CD27: variants seen among roughly 807,000 people sequenced by gnomAD.
CD27 encodes the protein CD27 antigen.
In CD27, 16 loss-of-function variants were observed where a neutral mutation model predicts 25.9. The ratio of observed to expected loss-of-function variants is 0.62; its 90% CI spans 0.42 to 0.94. CD27 has a LOEUF of 0.94. Ranked by LOEUF, CD27 falls within the 40% of genes least tolerant of loss-of-function variation. The probability of loss-of-function intolerance (pLI) is 0.00; values close to 1 mark genes in which losing one functional copy is unlikely to be tolerated. For synonymous variants in CD27, 142 were observed against 124.3 expected (o/e 1.14, Z -0.95); for missense variants, 300 against 333.2 (o/e 0.90, Z 0.78).
intron 2 of CD27, among the ~76,000 whole-genome samples, chr12:6,446,801 A>AC (rs1555123062): frequency 1.9e-4 from 25 of 132,114 alleles, no homozygotes; most frequent in South Asian, 4.9e-4. Context: ...CACACACACA[A>AC]AAAGCCAGAG....
At position 6,445,012 on chromosome 12, in the gene CD27, A is replaced by T. The variant is rs2136960027; in HGVS notation, c.-84A>T. The stretch of plus-strand genomic sequence containing the variant: ...ACTGCCCAGGGGGTGCAAAGAAGAG[A>T]CAGCAGCGCCCAGCTTGGAGGTGCT... On this transcript the variant is annotated 5_prime_UTR_variant, in exon 1 of 6. Coordinates refer to ENST00000266557, the MANE Select transcript of CD27 (RefSeq NM_001242.5). This position sits in a 1 kb window ranked among gnomAD's most constrained non-coding sequence, Gnocchi z 4.5. 7.0e-7 allele frequency: 1 copy of T among 1,429,636 alleles called. No individual in the cohort carries two copies. Among genetic ancestry groups the T allele is most frequent in the Middle Eastern group, 2.5e-4 (1 of 3,942 alleles). 88.6% of individuals were successfully genotyped at this position (1,429,636 alleles called of 1,614,324 possible).
chr12:6,446,266 A>C (rs1250730806), intron 2 of CD27, among the ~76,000 whole-genome samples: 1 of 152,072 alleles, frequency 6.6e-6, no homozygotes, highest in East Asian at 1.9e-4. Flanking sequence ...TACTTGCAAA[A>C]CGTGTTTGGT....
chr12:6,445,650 G>A lies in CD27; in HGVS notation c.268+95G>A, dbSNP rs959590670. ...TTTGGGGGTGCAAGGAGGATGACGG[G>A]GCCAAAGCTTTGGCCTTCTTCAAGG... On this transcript the variant is annotated intron_variant, in intron 2 of 5. Coordinates refer to ENST00000266557, the MANE Select transcript of CD27 (RefSeq NM_001242.5). This position sits in a 1 kb window ranked among gnomAD's most constrained non-coding sequence, Gnocchi z 4.5. 7.5e-6 allele frequency: 11 copies of A among 1,470,884 alleles called. No individual in the cohort carries two copies. The highest frequency in any genetic ancestry group is 7.0e-5 in the African/African-American group (5 of 71,634). 91.1% of individuals were successfully genotyped at this position (1,470,884 alleles called of 1,614,324 possible). A position where few individuals can be genotyped will look rare whatever the true frequency, so the allele number is the denominator to read the frequency against.
In CD27 at chr12:6,451,448, C is replaced by A. The variant is rs1949546827; in HGVS notation, c.*56C>A. 6.4e-7 allele frequency: 1 copy of A among 1,574,090 alleles called. No homozygotes were observed. The highest frequency in any genetic ancestry group is 2.2e-5 in the East Asian group (1 of 44,662). ...CTGGCCTCCACCCCCACCCCGCCGA[C>A]CATCCAAGGGAGAGTGAGACCTGGC... On this transcript the variant is annotated 3_prime_UTR_variant, in exon 6 of 6. Transcript: ENST00000266557.
intron 5 of CD27, 47 bp downstream of exon 5, chr12:6,451,061 C>G: frequency 6.2e-7 from 1 of 1,612,372 alleles, no homozygotes. Flanking sequence ...GCACCACACC[C>G]CACTGGCTCA....
At chr12:6,446,682 G>C (rs1473430684) in intron 2 of CD27, among the ~76,000 whole-genome samples, 1 of 151,958 alleles carries the variant, frequency 6.6e-6, no homozygotes, top group Admixed American at 6.6e-5. Flanking sequence ...GGGAGGCTGA[G>C]ATGGGAAGAT....
At position 6,445,122 on chromosome 12, in the gene CD27, G is replaced by A; in HGVS notation, c.27G>A (p.Leu9=). The change falls in exon 1 of 6, where the codon CTG becomes CTA. Residue 9 remains leucine (L), a synonymous_variant. Transcript: ENST00000266557. This position sits in a 1 kb window ranked among gnomAD's most constrained non-coding sequence, Gnocchi z 4.5. ...TGGCACGGCCACATCCCTGGTGGCT[G>A]TGCGTTCTGGGGACCCTGGTGGGGC... MARPHPWW[L]CVLGTLVGLS... is the part of the protein sequence containing the mutation. 6.2e-7 allele frequency: 1 copy of A among 1,606,618 alleles called. No homozygotes were observed. The highest frequency in any genetic ancestry group is 8.5e-7 in the Non-Finnish European group (1 of 1,177,174).
Position 6,450,462 on chromosome 12 carries a change from C to A in CD27, c.449-79C>A. The stretch of plus-strand genomic sequence containing the variant: ...GGTCAGCCTGTTTCTGCCTTCCCAT[C>A]CCATCCAGCACCTCTCAGGCCTTCA... On this transcript the variant is annotated intron_variant, in intron 3 of 5. Transcript: ENST00000266557. This position sits in a 1 kb window ranked among gnomAD's most constrained non-coding sequence, Gnocchi z 4.1. 1 of 1,538,602 alleles carries A rather than the reference C, an allele frequency of 6.5e-7. No individual in the cohort carries two copies. Among genetic ancestry groups the A allele is most frequent in the Non-Finnish European group, 8.9e-7 (1 of 1,119,770 alleles).
rs749266346 is a variant in CD27, at chr12:6,445,493, T to A, written c.206T>A (p.Val69Asp). ...AAQCDPCIPG[V>D]SFSPDHHTRP... ...CAGTGTGATCCTTGCATACCGGGGG[T>A]CTCCTTCTCTCCTGACCACCACACC... is the stretch of plus-strand genomic sequence containing the variant. The change falls in exon 2 of 6, where the codon GTC becomes GAC. Residue 69 changes from valine to aspartate, a missense_variant. By Grantham distance (152) the Val-to-Asp change is radical. Coordinates refer to ENST00000266557, the MANE Select transcript of CD27 (RefSeq NM_001242.5). This position sits in a 1 kb window ranked among gnomAD's most constrained non-coding sequence, Gnocchi z 4.5. The A allele has an allele frequency of 6.2e-7, 1 of 1,613,778 alleles. No individual in the cohort carries two copies. Among genetic ancestry groups the A allele is most frequent in the Non-Finnish European group, 8.5e-7 (1 of 1,179,970 alleles).
chr12:6,446,660 T>G (rs957612280), intron 2 of CD27, among the ~76,000 whole-genome samples: 2 of 151,778 alleles, frequency 1.3e-5, no homozygotes, highest in African/African-American at 4.8e-5. Context: ...GCACCTGCAG[T>G]CCCAGCTACT....
rs1949395440 is a variant in CD27 at position 6,445,163 on chromosome 12, C to A, written c.68C>A (p.Ala23Asp). Reference protein sequence around the residue: ...GTLVGLSATPAPKSCPERHYW... With the variant: ...GTLVGLSATPDPKSCPERHYW... Reference sequence around the variant, plus strand: ...CTGGTGGGGCTCTCAGCTACTCCAGCCCCCAAGAGCTGCCCAGAGAGGCAC... The same window carrying A: ...CTGGTGGGGCTCTCAGCTACTCCAGACCCCAAGAGCTGCCCAGAGAGGCAC... Residue 23 changes from alanine (A) to aspartate (D), a missense_variant, in exon 1 of 6, where the codon GCC (alanine) becomes GAC (aspartate). Physicochemically the swap from Ala to Asp is moderately radical, Grantham distance 126. Transcript: ENST00000266557. This position sits in a 1 kb window ranked among gnomAD's most constrained non-coding sequence, Gnocchi z 4.5. The A allele has an allele frequency of 6.2e-7, 1 of 1,610,476 alleles. No individual in the cohort carries two copies. Among genetic ancestry groups the A allele is most frequent in the African/African-American group, 1.3e-5 (1 of 74,810 alleles).
Position 6,445,420 on chromosome 12 carries a change from C to T in CD27, c.137-4C>T, listed in dbSNP as rs1172345031. The T allele has an allele frequency of 1.1e-5, 17 of 1,614,034 alleles. No individual in the cohort carries two copies. Among genetic ancestry groups the T allele is most frequent in the Non-Finnish European group, 1.4e-5 (16 of 1,180,016 alleles). On this transcript the variant is annotated splice_region_variant and splice_polypyrimidine_tract_variant and intron_variant, in intron 1 of 5. Transcript: ENST00000266557. This position sits in a 1 kb window ranked among gnomAD's most constrained non-coding sequence, Gnocchi z 4.5. ...GGCCTTGATCCCTTACCCTCTCCTC[C>T]CAGGAACATTCCTCGTGAAGGACTG...
intron 2 of CD27, chr12:6,447,090 G>A (rs1949426733): frequency 6.7e-6 from 1 of 150,210 alleles, no homozygotes; most frequent in South Asian, 2.1e-4. Context: ...GTGAGACCCT[G>A]TTTCCAAAAA....
Position 6,450,266 on chromosome 12 carries a change from A to G in CD27, c.362A>G (p.Asp121Gly), listed in dbSNP as rs1208878373. Residue 121 changes from aspartate (D) to glycine (G), a missense_variant, in exon 3 of 6, where the codon GAT becomes GGT. Asp to Gly is a moderately conservative substitution (Grantham distance 94). Coordinates refer to ENST00000266557, the MANE Select transcript of CD27 (RefSeq NM_001242.5). The surrounding 1 kb of genome is among the most constrained non-coding windows in gnomAD (Gnocchi z 4.1). ...AGGGACAAGGAGTGCACCGAGTGTG[A>G]TCCTCTTCCAAACCCTTCGCTGACC... ...QCRDKECTEC[D>G]PLPNPSLTAR... 1 of 1,613,742 alleles carries G rather than the reference A, an allele frequency of 6.2e-7. No homozygotes were observed. Among genetic ancestry groups the G allele is most frequent in the African/African-American group, 1.3e-5 (1 of 74,880 alleles).
chr12:6,445,025 G>C lies in CD27; in HGVS notation c.-71G>C. ...TGCAAAGAAGAGACAGCAGCGCCCA[G>C]CTTGGAGGTGCTAACTCCAGAGGCC... On this transcript the variant is annotated 5_prime_UTR_variant, in exon 1 of 6. Coordinates refer to ENST00000266557, the MANE Select transcript of CD27 (RefSeq NM_001242.5). The surrounding 1 kb of genome is among the most constrained non-coding windows in gnomAD (Gnocchi z 4.5). 6.7e-7 allele frequency: 1 copy of C among 1,485,614 alleles called. No individual in the cohort carries two copies. The allele number at this position is 1,485,614 out of a possible 1,614,324, so 92.0% of individuals were successfully genotyped here.
In CD27 at chr12:6,450,309, C is replaced by T. The variant is rs766652363; in HGVS notation, c.405C>T (p.Ala135=). Residue 135 remains alanine (A), a synonymous_variant, in exon 3 of 6, where the codon GCC becomes GCT. Transcript: ENST00000266557. The surrounding 1 kb of genome is among the most constrained non-coding windows in gnomAD (Gnocchi z 4.1). ...NPSLTARSSQ[A]LSPHPQPTHL... ...CGCTGACCGCTCGGTCGTCTCAGGC[C>T]CTGAGCCCACACCCTCAGCCCACCC... 3.7e-6 allele frequency: 6 copies of T among 1,613,384 alleles called. No homozygotes were observed. The highest frequency in any genetic ancestry group is 1.3e-5 in the African/African-American group (1 of 74,906).
At position 6,451,288 on chromosome 12, in the gene CD27, G is replaced by A. The variant is rs1394328939; in HGVS notation, c.679G>A (p.Glu227Lys). 4.3e-6 allele frequency: 7 copies of A among 1,614,010 alleles called. No individual in the cohort carries two copies. Among genetic ancestry groups the A allele is most frequent in the Non-Finnish European group, 5.9e-6 (7 of 1,179,934 alleles). ...TGCAGACAAAGGAGAAAGTCCTGTG[G>A]AGCCTGCAGAGCCTTGTCATTACAG... ...YRSNKGESPV[E>K]PAEPCHYSCP... Residue 227 changes from glutamate (E) to lysine (K), a missense_variant, in exon 6 of 6, where the codon GAG becomes AAG. Glu to Lys is a moderately conservative substitution (Grantham distance 56). Coordinates refer to ENST00000266557, the MANE Select transcript of CD27 (RefSeq NM_001242.5).
At chr12:6,448,765 A>AAAAC (rs1248742331) in intron 2 of CD27, 1 of 152,224 alleles carries the variant, frequency 6.6e-6, no homozygotes, top group African/African-American at 2.4e-5. Flanking sequence ...ACTCTGTCAA[A>AAAAC]AAACAAACAA....
Position 6,450,332 on chromosome 12 carries a change from C to G in CD27, c.428C>G (p.Thr143Ser). ...SQALSPHPQP[T>S]HLPYVSEMLE... ...GCCCTGAGCCCACACCCTCAGCCCA[C>G]CCACTTACCTTATGTCAGTGGTAAG... The change falls in exon 3 of 6, where the codon ACC (threonine) becomes AGC (serine). Residue 143 changes from threonine (T) to serine (S), a missense_variant. Thr to Ser is a moderately conservative substitution (Grantham distance 58, BLOSUM62 1). Transcript: ENST00000266557. This position sits in a 1 kb window ranked among gnomAD's most constrained non-coding sequence, Gnocchi z 4.1. 2 of 1,612,636 alleles carry G rather than the reference C, an allele frequency of 1.2e-6. No homozygotes were observed. The highest frequency in any genetic ancestry group is 1.7e-6 in the Non-Finnish European group (2 of 1,179,908).
Sources: allele counts gnomAD v4.1 joint callset (sites outside exome capture counted in the v4.1 genomes callset), GRCh38; gene constraint gnomAD v4.1.1; non-coding constraint Gnocchi (gnomAD v3.1); transcripts MANE v1.5; gene names NCBI Gene and HGNC (gene_info 2026-07-23, HGNC 2026-07-21).